USP9X: variants seen among roughly 807,000 people sequenced by gnomAD.
USP9X encodes the protein ubiquitin specific peptidase 9 X-linked.
Under a neutral mutation model 190.3 loss-of-function variants are expected in USP9X, and 7 were observed. That is an observed-to-expected ratio of 0.04 (90% CI 0.02 to 0.07). The LOEUF (loss-of-function observed/expected upper bound fraction) is 0.07, where lower values mean the gene tolerates loss of function less well. Ranked by LOEUF, USP9X falls within the 10% of genes least tolerant of loss-of-function variation. The pLI is 1.00. For synonymous variants in USP9X, 645 were observed against 659.5 expected (o/e 0.98, Z 0.34); for missense variants, 1,010 against 1,916.9 (o/e 0.53, Z 8.83).
intron 1 of USP9X, among the ~76,000 whole-genome samples, chrX:41,106,895 T>C (rs1292586044): frequency 9.7e-6 from 1 of 102,660 alleles, no homozygotes; most frequent in African/African-American, 3.5e-5. Flanking sequence ...TTCTTTTTTT[T>C]TTTTTTTTTG....
At chrX:41,230,362 A>T in intron 43 of USP9X, 139 bp from the exon 44 acceptor site, 1 of 464,556 alleles carries the variant, frequency 2.2e-6, no homozygotes. Context: ...TTTTTTCCCC[A>T]AGTTCTTTAT....
rs768506015 is a variant in USP9X at position 41,189,341 on chromosome X, C to T, written c.3843C>T (p.Asp1281=). The change falls in exon 26 of 45, where the codon GAC becomes GAT. Residue 1281 remains aspartate, a synonymous_variant. Coordinates refer to ENST00000378308, the MANE Select transcript of USP9X (RefSeq NM_001039591.3). Reference sequence around the variant, plus strand: ...CAGGCAATGAGCCAGACTTGGAAGACGAACAGGTTTGCTGTGAAGCATTGG... The same window carrying T: ...CAGGCAATGAGCCAGACTTGGAAGATGAACAGGTTTGCTGTGAAGCATTGG... The part of the protein sequence containing the change: ...TNAGNEPDLE[D]EQVCCEALEV... The T allele has an allele frequency of 7.4e-6, 9 of 1,210,492 alleles. No homozygotes were observed. The highest frequency in any genetic ancestry group is 5.3e-5 in the South Asian group (3 of 56,764).
chrX:41,101,929 G>T, intron 1 of USP9X, among the ~76,000 whole-genome samples: 1 of 111,940 alleles, frequency 8.9e-6, no homozygotes, highest in Non-Finnish European at 1.9e-5. Flanking sequence ...AGTCACAAAA[G>T]ACCTCATATC....
chrX:41,123,365 C>T, intron 1 of USP9X, 106 bp from the exon 2 acceptor site: 1 of 309,877 alleles, frequency 3.2e-6, no homozygotes, highest in South Asian at 4.8e-5. Context: ...GTTTGTATAG[C>T]CCCTTTTTCC....
chrX:41,185,768 C>G (rs1454583465), intron 23 of USP9X, among the ~76,000 whole-genome samples: 1 of 110,330 alleles, frequency 9.1e-6, no homozygotes, highest in East Asian at 2.8e-4. Flanking sequence ...ACACAGAAAA[C>G]AATTACATGT....
intron 26 of USP9X, chrX:41,189,732 T>C: frequency 4.2e-6 from 1 of 236,678 alleles, no homozygotes; most frequent in Non-Finnish European, 7.5e-6. Flanking sequence ...GTATATAGAT[T>C]AGCCTATTTC....
At chrX:41,129,948 A>C (rs1420328671) in intron 3 of USP9X, among the ~76,000 whole-genome samples, 1 of 112,034 alleles carries the variant, frequency 8.9e-6, no homozygotes, top group Non-Finnish European at 1.9e-5. Flanking sequence ...CTTTGCATTA[A>C]AAAAAGAAAT....
In USP9X at chrX:41,235,867, G is replaced by A. The variant is rs1329016843; in HGVS notation, c.*3343G>A. ...TCCTCGTAGTGGTTAGAAAGATGAG[G>A]AGACTTTTTTGACTTACATTTGTAA... is the stretch of plus-strand genomic sequence containing the variant. On this transcript the variant is annotated 3_prime_UTR_variant, in exon 45 of 45. Transcript: ENST00000378308. 2 of 111,560 alleles carry A rather than the reference G, an allele frequency of 1.8e-5. No homozygotes were observed. Among genetic ancestry groups the A allele is most frequent in the Non-Finnish European group, 3.8e-5 (2 of 52,832 alleles). The allele number at this position is 111,560 out of a possible 1,213,427, so 9.2% of individuals were successfully genotyped here.
At chrX:41,192,339 C>T (rs1285345680) in intron 26 of USP9X, among the ~76,000 whole-genome samples, 1 of 111,993 alleles carries the variant, frequency 8.9e-6, no homozygotes, top group African/African-American at 3.2e-5. Flanking sequence ...ACCTCTGTTC[C>T]TGTTAGATGG....
chrX:41,182,260 C>G (rs1361806548), intron 21 of USP9X, among the ~76,000 whole-genome samples: 2 of 110,981 alleles, frequency 1.8e-5, no homozygotes, highest in East Asian at 5.6e-4. Context: ...CTGTGGTTCC[C>G]AACTACTCAG....
At chrX:41,209,171 T>C (rs899291567) in intron 32 of USP9X, among the ~76,000 whole-genome samples, 4 of 111,960 alleles carry the variant, frequency 3.6e-5, no homozygotes, top group African/African-American at 1.3e-4. Flanking sequence ...ATCTCTAATA[T>C]TCATCAGTAT....
chrX:41,178,735 T>C (rs1056378956), intron 21 of USP9X, among the ~76,000 whole-genome samples: 3 of 111,927 alleles, frequency 2.7e-5, no homozygotes, highest in Non-Finnish European at 5.6e-5. Flanking sequence ...TTTGTCTGTT[T>C]TTGTGTTTGT....
intron 39 of USP9X, among the ~76,000 whole-genome samples, chrX:41,223,935 G>A (rs2063288649): frequency 8.9e-6 from 1 of 112,027 alleles, no homozygotes; most frequent in Non-Finnish European, 1.9e-5. Flanking sequence ...GGGCTCAGTG[G>A]CTCATGCCTG....
chrX:41,164,723 A>G (rs1293048889), intron 15 of USP9X, among the ~76,000 whole-genome samples: 4 of 112,197 alleles, frequency 3.6e-5, no homozygotes, highest in Admixed American at 1.9e-4. Flanking sequence ...CAAGATTCCA[A>G]TGGCTTAAGG....
At chrX:41,209,569 AC>A (rs755513179) in intron 32 of USP9X, among the ~76,000 whole-genome samples, 126 of 111,872 alleles carry the variant, frequency 1.1e-3, no homozygotes, top group Non-Finnish European at 2.0e-3. Flanking sequence ...TATAAAGGGT[AC>A]CTTTTCCCTT....
intron 26 of USP9X, among the ~76,000 whole-genome samples, chrX:41,195,500 C>T (rs1460735453): frequency 5.4e-5 from 6 of 111,346 alleles, no homozygotes; most frequent in South Asian, 7.5e-4. Context: ...CTCTGGGGAC[C>T]GTGCTTTTGG....
rs12834869 is a variant in USP9X at position 41,159,243 on chromosome X, A to C, written c.1898-3547A>C. Among the ~76,000 whole-genome samples, 27 of 112,104 alleles carry C rather than the reference A, an allele frequency of 2.4e-4. No homozygotes were observed. The South Asian group carries it at 9.9e-3, about 41-fold the overall frequency. ...TATTAGGGGAATGAAAATCAGAACCACAGTGAGATAATGCTACTTCATACC... is the reference window on the plus strand; with the variant it reads ...TATTAGGGGAATGAAAATCAGAACCCCAGTGAGATAATGCTACTTCATACC... On this transcript the variant is annotated intron_variant, in intron 14 of 44. Transcript: ENST00000378308.
chrX:41,115,888 T>C (rs2062144484), intron 1 of USP9X, among the ~76,000 whole-genome samples: 1 of 112,027 alleles, frequency 8.9e-6, no homozygotes, highest in Non-Finnish European at 1.9e-5. Flanking sequence ...AGGGCAAATT[T>C]TAGCAGAGTT....
Position 41,196,714 on chromosome X carries a change from A to G in USP9X, c.4209A>G (p.Glu1403=). ...ATGCTGAAGTTCTTCTCAATAATGA[A>G]ATTGATTGGCTTAAAAGAATTAGGG... The part of the protein sequence containing the change: ...VPNAEVLLNN[E]IDWLKRIRDD... Residue 1403 remains glutamate, a synonymous_variant, in exon 28 of 45, where the codon GAA becomes GAG. Transcript: ENST00000378308. 8.4e-7 allele frequency: 1 copy of G among 1,189,562 alleles called. No homozygotes were observed. Among genetic ancestry groups the G allele is most frequent in the Non-Finnish European group, 1.1e-6 (1 of 881,602 alleles).
Sources: gnomAD v4.1 joint callset for allele counts (sites outside exome capture counted in the v4.1 genomes callset) on GRCh38, gnomAD v4.1.1 for gene constraint, MANE v1.5 for transcripts, NCBI Gene and HGNC (gene_info 2026-07-23, HGNC 2026-07-21) for gene names.